Variants in KCTD1 observed in about 807,000 individuals in gnomAD.
The protein encoded by KCTD1 is potassium channel tetramerization domain containing 1.
Under a neutral mutation model 66.0 loss-of-function variants are expected in KCTD1, and 24 were observed. The observed-to-expected ratio is 0.36, with a 90% CI of 0.26 to 0.51. KCTD1 has a LOEUF of 0.51. Among genes scored for constraint, KCTD1 ranks in the 20% least tolerant of loss-of-function variants. The probability of loss-of-function intolerance (pLI) is 0.95; values close to 1 mark genes in which losing one functional copy is unlikely to be tolerated. For synonymous variants in KCTD1, 511 were observed against 517.2 expected, an observed-to-expected ratio of 0.99 and a Z score of 0.16; for missense variants, 943 against 1,205.2, an observed-to-expected ratio of 0.78 and a Z score of 3.22.
At chr18:26,565,267 C>G (rs74964266) in intron 1 of KCTD1, among the ~76,000 whole-genome samples, 2,832 of 152,302 alleles carry the variant, frequency 0.019, 66 homozygotes, top group African/African-American at 0.054. Context: ...TTCTTTCATT[C>G]ATAACCTTTC....
intron 1 of KCTD1, among the ~76,000 whole-genome samples, chr18:26,620,901 C>T (rs1284351534): frequency 1.4e-5 from 2 of 147,714 alleles, no homozygotes; most frequent in Non-Finnish European, 3.0e-5. Context: ...GGCGCGATCT[C>T]GGCTCACTGC....
chr18:26,548,288 C>A lies in KCTD1; in HGVS notation c.249G>T (p.Gly83=). ...CCTCCTCCTCGTCCTCCTCCAGCCC[C>A]CCACCTCCGTCCTCCTCCTCCTCCT... ...GDEEEEEDGG[G]GLEEDEEEEE... is the part of the protein sequence containing the mutation. Residue 83 remains glycine, a synonymous_variant, in exon 1 of 5, where the codon GGG becomes GGT. Coordinates refer to ENST00000580059, the MANE Select transcript of KCTD1 (RefSeq NM_001142730.3). 1.3e-6 allele frequency: 2 copies of A among 1,510,970 alleles called. No individual in the cohort carries two copies. The highest frequency in any genetic ancestry group is 2.8e-5 in the African/African-American group (2 of 72,382). The allele number at this position is 1,510,970 out of a possible 1,614,324, so 93.6% of individuals were successfully genotyped here. A position where few individuals can be genotyped will look rare whatever the true frequency, so the allele number is the denominator to read the frequency against.
At position 26,547,580 on chromosome 18, in the gene KCTD1, A is replaced by G. The variant is rs1985312061; in HGVS notation, c.957T>C (p.Cys319=). 1 of 1,551,520 alleles carries G rather than the reference A, an allele frequency of 6.4e-7. No homozygotes were observed. The change falls in exon 1 of 5, where the codon TGT becomes TGC. Residue 319 remains cysteine (C), a synonymous_variant. Transcript: ENST00000580059. ...KVWFETCMYF[C]TRGRENQREL... ...CACGCTGGTTCTCGCGGCCGCGGGT[A>G]CAGAAGTACATGCACGTCTCGAACC...
rs1370212116 is a variant in KCTD1, at chr18:26,547,217, C to A, written c.1320G>T (p.Lys440Asn). Residue 440 changes from lysine to asparagine, a missense_variant, in exon 1 of 5, where the codon AAG becomes AAT. This residue lies in a region of KCTD1 where 79 missense variants were observed against 133.9 expected (regional missense o/e 0.59). Transcript: ENST00000580059. ...LLGTRMQMLS[K>N]AAKLSKTYTN... is the part of the protein sequence containing the mutation. ...TGTAGGTCTTGGAGAGCTTGGCCGC[C>A]TTGGAGAGCATCTGCATCCGAGTGC... 6.5e-7 allele frequency: 1 copy of A among 1,549,972 alleles called. No individual in the cohort carries two copies. The highest frequency in any genetic ancestry group is 1.4e-5 in the African/African-American group (1 of 72,554).
chr18:26,600,496 G>A (rs1008026577), intron 1 of KCTD1, among the ~76,000 whole-genome samples: 26 of 152,100 alleles, frequency 1.7e-4, no homozygotes, highest in African/African-American at 6.3e-4. Flanking sequence ...TGGCTGGGGG[G>A]GGTGCAGTGG....
In KCTD1 at chr18:26,468,240, A is replaced by C. The variant is rs1980855802; in HGVS notation, c.2133+8275T>G. On this transcript the variant is annotated intron_variant, in intron 3 of 4. Coordinates refer to ENST00000580059, the MANE Select transcript of KCTD1 (RefSeq NM_001142730.3). This position sits in a 1 kb window ranked among gnomAD's most constrained non-coding sequence, Gnocchi z 4.8. The stretch of plus-strand genomic sequence containing the variant: ...AGTCATATCCATAATAAAACACTGC[A>C]GAAAAGTTCTGCAATCACTTATGCA... Among the ~76,000 whole-genome samples the C allele has an allele frequency of 2.0e-5, 3 of 152,276 alleles. No individual in the cohort carries two copies. The highest frequency in any genetic ancestry group is 4.1e-4 in the South Asian group (2 of 4,834).
rs59769590 is a variant in KCTD1, at chr18:26,468,559, C to A, written c.2133+7956G>T. On this transcript the variant is annotated intron_variant, in intron 3 of 4. Coordinates refer to ENST00000580059, the MANE Select transcript of KCTD1 (RefSeq NM_001142730.3). This position sits in a 1 kb window ranked among gnomAD's most constrained non-coding sequence, Gnocchi z 4.8. ...CAAAAAACCATGTCCTGGCCGGGCG[C>A]GGTGGCTCACACCTATAATCCCAAC... 1.4e-4 allele frequency among the ~76,000 whole-genome samples: 21 copies of A among 152,238 alleles called. No individual in the cohort carries two copies. Among genetic ancestry groups the A allele is most frequent in the Middle Eastern group, 3.4e-3 (1 of 294 alleles).
chr18:26,592,964 A>G (rs1783561818), intron 1 of KCTD1, among the ~76,000 whole-genome samples: 1 of 152,194 alleles, frequency 6.6e-6, no homozygotes, highest in African/African-American at 2.4e-5. Context: ...GAAAGCACCT[A>G]GCAACACAGC....
intron 1 of KCTD1, among the ~76,000 whole-genome samples, chr18:26,614,993 T>A (rs1374166625): frequency 6.6e-6 from 1 of 152,216 alleles, no homozygotes; most frequent in African/African-American, 2.4e-5. Flanking sequence ...TGTATAAAAA[T>A]GAACTCAGCA....
chr18:26,625,093 C>A (rs1179002605), intron 1 of KCTD1, among the ~76,000 whole-genome samples: 2 of 152,186 alleles, frequency 1.3e-5, no homozygotes, highest in African/African-American at 4.8e-5. Context: ...AATGCCTGTA[C>A]CCTCATTGTA....
At chr18:26,554,606 G>C (rs56810980) in intron 1 of KCTD1, among the ~76,000 whole-genome samples, 3 of 152,204 alleles carry the variant, frequency 2.0e-5, no homozygotes, top group African/African-American at 7.2e-5. Context: ...CTGGGGCAAA[G>C]AGGGTATTCC....
upstream of KCTD1, among the ~76,000 whole-genome samples, chr18:26,551,559 A>G (rs556099941): frequency 1.2e-4 from 18 of 152,198 alleles, no homozygotes; most frequent in Non-Finnish European, 2.1e-4. Context: ...AAATACTGGA[A>G]AAGAAGACGT....
chr18:26,591,970 T>C (rs747760453), intron 1 of KCTD1, among the ~76,000 whole-genome samples: 2 of 152,180 alleles, frequency 1.3e-5, no homozygotes, highest in Non-Finnish European at 2.9e-5. Flanking sequence ...CATGATACAA[T>C]ACTATTTTTA....
intron 1 of KCTD1, among the ~76,000 whole-genome samples, chr18:26,576,368 T>G (rs572899729): frequency 5.9e-5 from 9 of 152,356 alleles, no homozygotes; most frequent in Non-Finnish European, 1.2e-4. Context: ...TGCTGAGATT[T>G]GGGTGCTCAA....
intron 1 of KCTD1, among the ~76,000 whole-genome samples, chr18:26,515,083 T>C (rs1336638412): frequency 2.6e-5 from 4 of 152,170 alleles, no homozygotes; most frequent in Non-Finnish European, 4.4e-5. Context: ...TATCTTAAAA[T>C]AAAAACCAAC....
chr18:26,618,022 C>T (rs1429105232), intron 1 of KCTD1, among the ~76,000 whole-genome samples: 2 of 151,592 alleles, frequency 1.3e-5, no homozygotes, highest in Non-Finnish European at 2.9e-5. Context: ...TGACTGGTTC[C>T]GCCTATGCCC....
Position 26,476,760 on chromosome 18 carries a change from A to C in KCTD1, c.1989-101T>G. The C allele has an allele frequency of 1.0e-6, 1 of 997,430 alleles. No homozygotes were observed. Among genetic ancestry groups the C allele is most frequent in the South Asian group, 1.5e-5 (1 of 67,348 alleles). The allele number at this position is 997,430 out of a possible 1,614,324, so 61.8% of individuals were successfully genotyped here. The stretch of plus-strand genomic sequence containing the variant: ...TCACTGTCAAAGGTAGCACTTTTGA[A>C]GATGGCAGTAGGGAAAAATTACGAT... On this transcript the variant is annotated intron_variant, in intron 2 of 4. Coordinates refer to ENST00000580059, the MANE Select transcript of KCTD1 (RefSeq NM_001142730.3). The surrounding 1 kb of genome is among the most constrained non-coding windows in gnomAD (Gnocchi z 4.9).
At chr18:26,598,497 C>CACACACACACAT (rs1555645999) in intron 1 of KCTD1, among the ~76,000 whole-genome samples, 1 of 151,408 alleles carries the variant, frequency 6.6e-6, no homozygotes, top group African/African-American at 2.4e-5. Context: ...CACACACACA[C>CACACACACACAT]GTTTTTGATT....
intron 1 of KCTD1, among the ~76,000 whole-genome samples, chr18:26,517,649 C>T (rs2144737820): frequency 7.3e-6 from 1 of 137,600 alleles, no homozygotes; most frequent in East Asian, 2.2e-4. Context: ...AAGAGCGAAA[C>T]TCCGTCTCCA....
Sources: allele counts gnomAD v4.1 joint callset (sites outside exome capture counted in the v4.1 genomes callset), GRCh38; gene constraint gnomAD v4.1.1; regional missense constraint gnomAD v4.1.1; non-coding constraint Gnocchi (gnomAD v3.1); transcripts MANE v1.5; gene names NCBI Gene and HGNC (gene_info 2026-07-23, HGNC 2026-07-21).